The following RCOR1 variants were observed in gnomAD, a reference collection of about 807,000 sequenced individuals.
The protein encoded by RCOR1 is REST corepressor.
A neutral mutation model predicts 64.0 loss-of-function variants in RCOR1; 12 were observed. The observed-to-expected ratio is 0.19, with a 90% CI of 0.12 to 0.30. The LOEUF (loss-of-function observed/expected upper bound fraction) is 0.30. RCOR1 is among the 10% of genes least tolerant of loss of function. The pLI is 1.00. For synonymous variants in RCOR1, 279 were observed against 227.2 expected, an observed-to-expected ratio of 1.23 and a Z score of -2.05; for missense variants, 502 against 621.2, an observed-to-expected ratio of 0.81 and a Z score of 2.04.
intron 3 of RCOR1, among the ~76,000 whole-genome samples, chr14:102,683,892 C>G (rs1895357340): frequency 6.6e-6 from 1 of 152,208 alleles, no homozygotes; most frequent in Non-Finnish European, 1.5e-5. Flanking sequence ...TCTGCGGGGG[C>G]TGGGGCTGCA....
chr14:102,593,227 CCGCGCCG>C (rs1893170841), intron 1 of RCOR1, 32 bp from the exon 2 acceptor site: 10 of 1,481,770 alleles, frequency 6.7e-6, no homozygotes, highest in South Asian at 2.6e-5. Flanking sequence ...GCCCCGCGCC[CCGCGCCG>C]CGCTGACCGC....
Position 102,639,571 on chromosome 14 carries a change from T to C in RCOR1, c.362-42324T>C, listed in dbSNP as rs560482822. On this transcript the variant is annotated intron_variant, in intron 2 of 11. Transcript: ENST00000262241. ...TTTATTGAGATGGAGTCTCGCTCTG[T>C]TGTCCAGGCTGGAGTGCAATGGCGT... Among the ~76,000 whole-genome samples, 17 of 151,460 alleles carry C rather than the reference T, an allele frequency of 1.1e-4. No individual in the cohort carries two copies. The South Asian group carries it at 3.5e-3, about 31-fold the overall frequency.
At chr14:102,722,104 T>TG (rs1896179020) in intron 10 of RCOR1, 83 bp from the exon 11 acceptor site, 1 of 968,886 alleles carries the variant, frequency 1.0e-6, no homozygotes, top group African/African-American at 1.6e-5. Flanking sequence ...TTTTCTTATC[T>TG]GGATAAAGAG....
Position 102,592,714 on chromosome 14 carries a change from A to G in RCOR1, c.-173A>G. On this transcript the variant is annotated 5_prime_UTR_variant, in exon 1 of 12. It removes the in-frame stop codon of an upstream open reading frame in the 5' UTR. Coordinates refer to ENST00000262241, the MANE Select transcript of RCOR1 (RefSeq NM_015156.4). ...CGCTCGGCTCGTCGCTGGGGGCTTG[A>G]AGCGGCTCCGCGCTCTGCCCGTTTG... The G allele has an allele frequency of 8.2e-7, 1 of 1,225,034 alleles. No homozygotes were observed. The highest frequency in any genetic ancestry group is 1.0e-6 in the Non-Finnish European group (1 of 983,912). The allele number at this position is 1,225,034 out of a possible 1,614,324, so 75.9% of individuals were successfully genotyped here.
intron 9 of RCOR1, 90 bp from the exon 10 acceptor site, chr14:102,721,230 C>A: frequency 7.9e-7 from 1 of 1,268,906 alleles, no homozygotes; most frequent in South Asian, 1.3e-5. Context: ...GTTAAAATTC[C>A]GATAAGAGAA....
chr14:102,694,738 T>TACA (rs1895610084), intron 3 of RCOR1, among the ~76,000 whole-genome samples: 1 of 152,228 alleles, frequency 6.6e-6, no homozygotes, highest in East Asian at 1.9e-4. Flanking sequence ...ACCCACCAGG[T>TACA]GGCACAATTG....
At chr14:102,648,338 C>T (rs1347720862) in intron 2 of RCOR1, among the ~76,000 whole-genome samples, 3 of 152,164 alleles carry the variant, frequency 2.0e-5, no homozygotes, top group Admixed American at 6.5e-5. Flanking sequence ...CTTGGCCTCC[C>T]GAAGTGCTGG....
At chr14:102,705,168 C>T (rs539299336) in intron 4 of RCOR1, among the ~76,000 whole-genome samples, 21 of 152,144 alleles carry the variant, frequency 1.4e-4, no homozygotes, top group African/African-American at 5.1e-4. Flanking sequence ...ATTCCTCACA[C>T]CAATATGGGA....
chr14:102,623,999 C>T (rs948546832), intron 2 of RCOR1, among the ~76,000 whole-genome samples: 96 of 151,408 alleles, frequency 6.3e-4, no homozygotes, highest in African/African-American at 2.1e-3. Context: ...CGAGACCATC[C>T]TGGCTAACAT....
chr14:102,624,649 A>G (rs1168896822), intron 2 of RCOR1, among the ~76,000 whole-genome samples: 1 of 151,772 alleles, frequency 6.6e-6, no homozygotes, highest in Non-Finnish European at 1.5e-5. Context: ...ACCTATAGTC[A>G]CAGCTACTTC....
rs755263947 is a variant in RCOR1, at chr14:102,593,165, C to G, written c.279C>G (p.Gly93=). ...ACTCCTGGGAGGAAGGCAGCTCGGG[C>G]TCGTCCAGCGACGAGGAGCACGGTA... ...SSNSWEEGSS[G]SSSDEEHGGG... is the part of the protein sequence containing the mutation. The change falls in exon 1 of 12, where the codon GGC becomes GGG. Residue 93 remains glycine, a synonymous_variant. Transcript: ENST00000262241. 4 of 1,524,002 alleles carry G rather than the reference C, an allele frequency of 2.6e-6. No homozygotes were observed. The highest frequency in any genetic ancestry group is 2.6e-6 in the Non-Finnish European group (3 of 1,141,766). 94.4% of individuals were successfully genotyped at this position (1,524,002 alleles called of 1,614,324 possible).
At position 102,599,450 on chromosome 14, in the gene RCOR1, T is replaced by A. The variant is rs548862737; in HGVS notation, c.361+6125T>A. On this transcript the variant is annotated intron_variant, in intron 2 of 11. Transcript: ENST00000262241. ...TTCAGCCATTATTATTACTATTTTT[T>A]AATTTTTTTTATTCTCTTTATACAC... Among the ~76,000 whole-genome samples the A allele has an allele frequency of 7.9e-5, 12 of 152,284 alleles. No homozygotes were observed. In the South Asian group the frequency reaches 1.0e-3, roughly 13 times the overall value.
chr14:102,654,385 A>G (rs1273518357), intron 2 of RCOR1, among the ~76,000 whole-genome samples: 1 of 152,146 alleles, frequency 6.6e-6, no homozygotes, highest in African/African-American at 2.4e-5. Context: ...AAAAATGAAG[A>G]GTAGGTAAAA....
chr14:102,676,571 T>A (rs1408329108), intron 2 of RCOR1, among the ~76,000 whole-genome samples: 4 of 56,178 alleles, frequency 7.1e-5, no homozygotes, highest in Admixed American at 1.6e-4. Context: ...CACTTCCCAG[T>A]AGGGGCGGCC....
chr14:102,669,445 T>TA (rs373646958), intron 2 of RCOR1, among the ~76,000 whole-genome samples: 11 of 152,334 alleles, frequency 7.2e-5, no homozygotes, highest in African/African-American at 2.4e-4. Flanking sequence ...CTAAAATACT[T>TA]AATGTGGATA....
intron 8 of RCOR1, among the ~76,000 whole-genome samples, chr14:102,715,322 C>T (rs1201204122): frequency 6.7e-6 from 1 of 149,382 alleles, no homozygotes; most frequent in Non-Finnish European, 1.5e-5. Flanking sequence ...CCACCCGCCT[C>T]GGCCTCCCAA....
intron 2 of RCOR1, among the ~76,000 whole-genome samples, chr14:102,609,482 C>T (rs1258539407): frequency 6.6e-6 from 1 of 152,038 alleles, no homozygotes; most frequent in South Asian, 2.1e-4. Context: ...CTCTGTTGTC[C>T]AGGCTGGAGT....
chr14:102,639,842 TCA>T (rs1894329608), intron 2 of RCOR1, among the ~76,000 whole-genome samples: 2 of 148,394 alleles, frequency 1.3e-5, no homozygotes, highest in Admixed American at 6.7e-5. Context: ...ATTCATTCAT[TCA>T]TTCATTCATT....
At chr14:102,711,134 T>C (rs919694942) in intron 7 of RCOR1, 121 bp downstream of exon 7, 7 of 648,542 alleles carry the variant, frequency 1.1e-5, no homozygotes, top group African/African-American at 9.4e-5. Flanking sequence ...CAGCATGATA[T>C]GACTATTTTT....
Sources: gnomAD v4.1 joint callset for allele counts (sites outside exome capture counted in the v4.1 genomes callset) on GRCh38, gnomAD v4.1.1 for gene constraint, MANE v1.5 for transcripts, NCBI Gene and HGNC (gene_info 2026-07-23, HGNC 2026-07-21) for gene names.